CPM: variants seen among roughly 807,000 people sequenced by gnomAD.
The protein encoded by CPM is carboxypeptidase M.
CPM carries 35 observed loss-of-function variants against 46.4 expected under a neutral mutation model. The observed-to-expected ratio is 0.75, with a 90% CI of 0.58 to 1.00. The LOEUF (loss-of-function observed/expected upper bound fraction) is 1.00. CPM is among the 50% of genes least tolerant of loss of function. CPM has a pLI of 0.00. For missense variants in CPM, 422 were observed against 530.4 expected (o/e 0.80, Z 2.01); for synonymous variants, 195 against 195.3 (o/e 1.00, Z 0.01).
chr12:68,923,949 A>G (rs1267876651), intron 2 of CPM, among the ~76,000 whole-genome samples: 2 of 152,136 alleles, frequency 1.3e-5, no homozygotes, highest in Non-Finnish European at 1.5e-5. Context: ...TTGTATTTGT[A>G]TACAAAAAAG....
At chr12:68,858,175 T>A (rs1234250812) in intron 8 of CPM, among the ~76,000 whole-genome samples, 1 of 152,204 alleles carries the variant, frequency 6.6e-6, no homozygotes, top group Non-Finnish European at 1.5e-5. Flanking sequence ...CTCCCAGGAT[T>A]AGCTCTATAT....
At position 68,885,864 on chromosome 12, in the gene CPM, CACA is replaced by C; in HGVS notation, c.183_185del (p.Val62del). The C allele has an allele frequency of 3.7e-6, 6 of 1,614,050 alleles. No individual in the cohort carries two copies. The highest frequency in any genetic ancestry group is 5.1e-6 in the Non-Finnish European group (6 of 1,180,000). ...TTCTGTGTTCCTTTGGAAACCGCCC[CACA>C]ACAAGAACCCACAGGTTTCTACCTT... On this transcript the variant is annotated inframe_deletion, in exon 3 of 9. Coordinates refer to ENST00000551568, the MANE Select transcript of CPM (RefSeq NM_198320.5).
intron 1 of CPM, among the ~76,000 whole-genome samples, chr12:68,940,792 GC>G (rs1483076831): frequency 1.3e-5 from 2 of 151,814 alleles, no homozygotes; most frequent in Admixed American, 1.3e-4. Context: ...ATAAAAGATG[GC>G]CCTTTATTCT....
chr12:68,873,341 C>T (rs1207775588), intron 3 of CPM, among the ~76,000 whole-genome samples: 1 of 152,210 alleles, frequency 6.6e-6, no homozygotes, highest in Non-Finnish European at 1.5e-5. Context: ...ACATTTTAAA[C>T]ATTTGTTATC....
At chr12:68,947,104 A>T (rs1410474588) in intron 1 of CPM, among the ~76,000 whole-genome samples, 1 of 152,236 alleles carries the variant, frequency 6.6e-6, no homozygotes, top group Non-Finnish European at 1.5e-5. Context: ...CAAAGTCATC[A>T]GAAACCTGCA....
At chr12:68,868,215 C>T (rs191194514) in intron 6 of CPM, among the ~76,000 whole-genome samples, 3 of 152,252 alleles carry the variant, frequency 2.0e-5, no homozygotes, top group Admixed American at 2.0e-4. Flanking sequence ...GATGCAGAAG[C>T]CCTAAGGTAG....
At chr12:68,913,940 C>T (rs1336221325) in intron 2 of CPM, 3 of 718,426 alleles carry the variant, frequency 4.2e-6, no homozygotes, top group Non-Finnish European at 7.9e-6. Context: ...ACCTGTGCTA[C>T]AGATACACAG....
At chr12:68,879,036 A>T (rs1235221079) in intron 3 of CPM, among the ~76,000 whole-genome samples, 3 of 152,022 alleles carry the variant, frequency 2.0e-5, no homozygotes, top group African/African-American at 4.8e-5. Flanking sequence ...AAAAATAAAA[A>T]ACTTAGCCTG....
intron 8 of CPM, among the ~76,000 whole-genome samples, chr12:68,857,392 C>T (rs2136214656): frequency 6.6e-6 from 1 of 152,186 alleles, no homozygotes; most frequent in South Asian, 2.1e-4. Context: ...GAACTCCTGA[C>T]CTCAAGTGAT....
rs980840543 is a variant in CPM, at chr12:68,883,594, C to T, written c.258+2198G>A. Reference sequence around the variant, plus strand: ...GCGCACTAGCGAGCCCTGATTTGAACGATACACCAGACAACAAGATGCCAG... The same window carrying T: ...GCGCACTAGCGAGCCCTGATTTGAATGATACACCAGACAACAAGATGCCAG... On this transcript the variant is annotated intron_variant, in intron 3 of 8. Transcript: ENST00000551568. Among the ~76,000 whole-genome samples the T allele has an allele frequency of 9.9e-5, 15 of 152,112 alleles. No individual in the cohort carries two copies. In the South Asian group the frequency reaches 1.5e-3, roughly 15 times the overall value.
chr12:68,936,542 C>T (rs1260127266), upstream of CPM, among the ~76,000 whole-genome samples: 2 of 152,114 alleles, frequency 1.3e-5, no homozygotes, highest in African/African-American at 4.8e-5. Context: ...CACCACCACG[C>T]CTGGCTAATT....
At chr12:68,885,911 G>A in intron 2 of CPM, 22 bp from the exon 3 acceptor site, 1 of 1,595,430 alleles carries the variant, frequency 6.3e-7, no homozygotes, top group Non-Finnish European at 8.6e-7. Flanking sequence ...AAGAAGAAAA[G>A]ATGGAAAAGT....
intron 2 of CPM, among the ~76,000 whole-genome samples, chr12:68,897,252 C>T (rs1886909322): frequency 6.6e-6 from 1 of 150,986 alleles, no homozygotes; most frequent in Non-Finnish European, 1.5e-5. Flanking sequence ...CATTATAATT[C>T]TTCCATGTTC....
chr12:68,883,007 G>C (rs750823140), intron 3 of CPM, among the ~76,000 whole-genome samples: 1 of 152,168 alleles, frequency 6.6e-6, no homozygotes, highest in Non-Finnish European at 1.5e-5. Context: ...ATTAAGTGTG[G>C]AAACACACAC....
intron 5 of CPM, chr12:68,845,469 T>C (rs1884216965): frequency 4.8e-6 from 1 of 206,558 alleles, no homozygotes; most frequent in African/African-American, 2.3e-5. Flanking sequence ...TCATAATGCA[T>C]CTGAAATGAT....
At chr12:68,947,178 C>G (rs1328502754) in intron 1 of CPM, among the ~76,000 whole-genome samples, 1 of 152,136 alleles carries the variant, frequency 6.6e-6, no homozygotes, top group East Asian at 1.9e-4. Context: ...AAAAAGCTTC[C>G]AGAAGATGGA....
chr12:68,937,877 G>T (rs374880498), upstream of CPM, among the ~76,000 whole-genome samples: 1 of 152,208 alleles, frequency 6.6e-6, no homozygotes, highest in Non-Finnish European at 1.5e-5. Flanking sequence ...AGAGGAAAAA[G>T]CACAAAAGTG....
chr12:68,852,510 C>G lies in CPM; in HGVS notation c.*3927G>C, dbSNP rs1180219820. 6.6e-6 allele frequency: 1 copy of G among 151,614 alleles called. No individual in the cohort carries two copies. Among genetic ancestry groups the G allele is most frequent in the East Asian group, 1.9e-4 (1 of 5,186 alleles). 9.4% of individuals were successfully genotyped at this position (151,614 alleles called of 1,614,324 possible). ...ACAGATAAAGAAACTGAATGTGTGG[C>G]GGATTTGAATCCAGGGCTTCTGCCT... On this transcript the variant is annotated 3_prime_UTR_variant, in exon 9 of 9. Transcript: ENST00000551568.
intron 2 of CPM, among the ~76,000 whole-genome samples, chr12:68,922,578 G>A (rs747882143): frequency 2.7e-5 from 4 of 150,790 alleles, no homozygotes; most frequent in Non-Finnish European, 4.4e-5. Context: ...TGATAACTCT[G>A]TGAAGCCAGC....
Sources: allele counts gnomAD v4.1 joint callset (sites outside exome capture counted in the v4.1 genomes callset), GRCh38; gene constraint gnomAD v4.1.1; transcripts MANE v1.5; gene names NCBI Gene and HGNC (gene_info 2026-07-23, HGNC 2026-07-21).